EIF4G3: variants seen among roughly 807,000 people sequenced by gnomAD.
EIF4G3 encodes the protein eIF-4-gamma 3.
Under a neutral mutation model 186.4 loss-of-function variants are expected in EIF4G3, and 34 were observed. The ratio of observed to expected loss-of-function variants is 0.18; its 90% confidence interval spans 0.14 to 0.24. The LOEUF (loss-of-function observed/expected upper bound fraction) is 0.24, where lower values mean the gene tolerates loss of function less well. Among genes scored for constraint, EIF4G3 ranks in the 10% least tolerant of loss-of-function variants. The pLI is 1.00. For synonymous variants in EIF4G3, 673 were observed against 679.5 expected (o/e 0.99, Z 0.15); for missense variants, 1,536 against 1,948.5 (o/e 0.79, Z 3.99).
At chr1:20,944,305 A>T (rs2095850065) in intron 13 of EIF4G3, among the ~76,000 whole-genome samples, 3 of 151,974 alleles carry the variant, frequency 2.0e-5, no homozygotes, top group Admixed American at 1.3e-4. Context: ...TCTTGAGCCT[A>T]GGAATTTGCG....
chr1:21,108,352 A>G (rs2096653870), intron 2 of EIF4G3, among the ~76,000 whole-genome samples: 2 of 152,158 alleles, frequency 1.3e-5, no homozygotes, highest in African/African-American at 2.4e-5. Flanking sequence ...GTACATATTT[A>G]TATGTAATAT....
chr1:21,164,531 C>T (rs769876557), intron 2 of EIF4G3, among the ~76,000 whole-genome samples: 6 of 151,766 alleles, frequency 4.0e-5, no homozygotes, highest in Admixed American at 1.3e-4. Flanking sequence ...GTTTGAGACA[C>T]GAGTGGGCAA....
intron 5 of EIF4G3, among the ~76,000 whole-genome samples, chr1:21,001,680 C>T (rs2083534770): frequency 6.6e-6 from 1 of 152,166 alleles, no homozygotes; most frequent in African/African-American, 2.4e-5. Flanking sequence ...GGTTCCTCCA[C>T]CCACTGGGGA....
At chr1:21,007,524 A>AAAAAC in intron 4 of EIF4G3, among the ~76,000 whole-genome samples, 2 of 140,478 alleles carry the variant, frequency 1.4e-5, no homozygotes, top group South Asian at 4.5e-4. Context: ...TTAAAAAAAA[A>AAAAAC]AAAAAAAAAA....
At chr1:20,987,938 G>A (rs2079952018) in intron 7 of EIF4G3, among the ~76,000 whole-genome samples, 1 of 152,200 alleles carries the variant, frequency 6.6e-6, no homozygotes, top group Non-Finnish European at 1.5e-5. Flanking sequence ...AGTTCTTGGA[G>A]GAAATTTAAA....
intron 4 of EIF4G3, among the ~76,000 whole-genome samples, chr1:21,030,999 A>G (rs1257473798): frequency 6.6e-6 from 1 of 152,080 alleles, no homozygotes; most frequent in Admixed American, 6.6e-5. Flanking sequence ...CAGCCTGGCC[A>G]ACATGGTGAA....
chr1:20,846,690 TA>T (rs1459465313), intron 29 of EIF4G3, among the ~76,000 whole-genome samples: 26 of 152,208 alleles, frequency 1.7e-4, no homozygotes, highest in Non-Finnish European at 3.2e-4. Flanking sequence ...TCATAACCCC[TA>T]AAATGTGGCT....
At chr1:20,928,202 T>C (rs533806907) in intron 14 of EIF4G3, among the ~76,000 whole-genome samples, 2 of 152,222 alleles carry the variant, frequency 1.3e-5, no homozygotes, top group African/African-American at 4.8e-5. Flanking sequence ...GTATACACTA[T>C]ATAAGTAATT....
intron 23 of EIF4G3, 124 bp downstream of exon 23, chr1:20,862,104 A>G (rs1035675456): frequency 5.5e-5 from 31 of 565,896 alleles, no homozygotes; most frequent in East Asian, 1.3e-4. Flanking sequence ...TGCCAATCCA[A>G]ATTCTGAGTC....
chr1:21,113,335 T>A (rs2096760905), intron 2 of EIF4G3, among the ~76,000 whole-genome samples: 1 of 152,040 alleles, frequency 6.6e-6, no homozygotes, highest in South Asian at 2.1e-4. Context: ...TTCTATCAAA[T>A]GGATTCAGAC....
chr1:21,157,070 T>A (rs980295148), intron 2 of EIF4G3, among the ~76,000 whole-genome samples: 1 of 152,064 alleles, frequency 6.6e-6, no homozygotes, highest in South Asian at 2.1e-4. Flanking sequence ...AAAATAATAA[T>A]AAATGAATAA....
chr1:21,067,535 A>C (rs2095289746), intron 3 of EIF4G3, among the ~76,000 whole-genome samples: 1 of 152,222 alleles, frequency 6.6e-6, no homozygotes, highest in Non-Finnish European at 1.5e-5. Flanking sequence ...AAATGTTATT[A>C]ATCAGCAAGC....
At chr1:20,904,229 C>T (rs897042769) in intron 15 of EIF4G3, among the ~76,000 whole-genome samples, 1 of 152,164 alleles carries the variant, frequency 6.6e-6, no homozygotes, top group African/African-American at 2.4e-5. Flanking sequence ...AATTCTACCA[C>T]CATTACTAAT....
intron 16 of EIF4G3, among the ~76,000 whole-genome samples, chr1:20,896,745 T>TA (rs1420168723): frequency 6.6e-6 from 1 of 152,200 alleles, no homozygotes; most frequent in Non-Finnish European, 1.5e-5. Context: ...CCATTCATGG[T>TA]AAGTGCCCTA....
At chr1:20,931,020 A>T (rs1206794861) in intron 14 of EIF4G3, among the ~76,000 whole-genome samples, 1 of 151,334 alleles carries the variant, frequency 6.6e-6, no homozygotes, top group Non-Finnish European at 1.5e-5. Flanking sequence ...TTTTAATGGC[A>T]TCTAGAATGC....
At chr1:21,012,295 T>C (rs1044980978) in intron 4 of EIF4G3, among the ~76,000 whole-genome samples, 2 of 152,196 alleles carry the variant, frequency 1.3e-5, no homozygotes, top group African/African-American at 2.4e-5. Context: ...TCACATTGCT[T>C]AGAGGCACCT....
chr1:20,864,513 G>C lies in EIF4G3; in HGVS notation c.2969C>G (p.Thr990Ser), dbSNP rs1457149460. The C allele has an allele frequency of 1.2e-6, 2 of 1,614,186 alleles. No individual in the cohort carries two copies. The highest frequency in any genetic ancestry group is 8.5e-7 in the Non-Finnish European group (1 of 1,180,026). ...AAAGTCCAAGTCTTTGCCAATGGTG[G>C]TGAGCAGGCGACACAGGCACTCCAG... The part of the protein sequence containing the change: ...ESLECLCRLL[T>S]TIGKDLDFEK... Residue 990 changes from threonine (T) to serine (S), a missense_variant, in exon 22 of 37, where the codon ACC (threonine) becomes AGC (serine). This residue lies in a region of EIF4G3 where 110 missense variants were observed against 166.2 expected (regional missense o/e 0.66). Transcript: ENST00000602326.
At chr1:21,080,867 C>G (rs2095756243) in intron 3 of EIF4G3, among the ~76,000 whole-genome samples, 1 of 152,106 alleles carries the variant, frequency 6.6e-6, no homozygotes, top group Admixed American at 6.6e-5. Context: ...ATATAAATTT[C>G]TCCTTCTTTT....
At chr1:20,884,833 A>AATT (rs1425549880) in intron 19 of EIF4G3, among the ~76,000 whole-genome samples, 2 of 152,144 alleles carry the variant, frequency 1.3e-5, no homozygotes, top group Admixed American at 1.3e-4. Context: ...ATTTACTGAG[A>AATT]ATTTACTCTC....
Sources: allele counts gnomAD v4.1 joint callset (sites outside exome capture counted in the v4.1 genomes callset), GRCh38; gene constraint gnomAD v4.1.1; regional missense constraint gnomAD v4.1.1; transcripts MANE v1.5; gene names NCBI Gene and HGNC (gene_info 2026-07-23, HGNC 2026-07-21).